RAPGEF3: variants seen among roughly 807,000 people sequenced by gnomAD.
RAPGEF3 encodes 9330170P05Rik.
A neutral mutation model predicts 129.8 loss-of-function variants in RAPGEF3; 103 were observed. The ratio of observed to expected loss-of-function variants is 0.79; its 90% confidence interval spans 0.68 to 0.93. The LOEUF (loss-of-function observed/expected upper bound fraction) is 0.93. Ranked by LOEUF, RAPGEF3 falls within the 40% of genes least tolerant of loss-of-function variation. The probability of loss-of-function intolerance (pLI) is 0.00; values close to 1 mark genes in which losing one functional copy is unlikely to be tolerated. For missense variants in RAPGEF3, 1,117 were observed against 1,207.4 expected (o/e 0.93, Z 1.11); for synonymous variants, 436 against 482.6 (o/e 0.90, Z 1.26).
At position 47,746,853 on chromosome 12, in the gene RAPGEF3, C is replaced by G. The variant is rs758044615; in HGVS notation, c.1596+7G>C. 3 of 1,591,538 alleles carry G rather than the reference C, an allele frequency of 1.9e-6. No homozygotes were observed. The South Asian group carries it at 3.5e-5, about 18-fold the overall frequency. ...GCAGAGGAAAGAAACTGGGGCCAGG[C>G]AGACACCTTCATCTGAGGAGATGCA... On this transcript the variant is annotated splice_region_variant and intron_variant, in intron 16 of 27. Coordinates refer to ENST00000449771, the MANE Select transcript of RAPGEF3 (RefSeq NM_001098531.4).
chr12:47,738,098 G>T lies in RAPGEF3; in HGVS notation c.2582-5C>A, dbSNP rs370596558. On this transcript the variant is annotated splice_polypyrimidine_tract_variant and splice_region_variant and intron_variant, in intron 26 of 27. Coordinates refer to ENST00000449771, the MANE Select transcript of RAPGEF3 (RefSeq NM_001098531.4). ...TTCTGAGTGGTGAGAGAGGCACTGCGGGGGTGGGGAGGGGTCATGGAGTCA... is the reference window on the plus strand; with the variant it reads ...TTCTGAGTGGTGAGAGAGGCACTGCTGGGGTGGGGAGGGGTCATGGAGTCA... The T allele has an allele frequency of 1.2e-3, 1,932 of 1,614,042 alleles. 22 individuals are homozygous for T. The South Asian group carries it at 0.017, about 14-fold the overall frequency.
rs142535251 is a variant in RAPGEF3 at position 47,741,043 on chromosome 12, G to A, written c.1924-3C>T. 6.2e-3 allele frequency: 10,027 copies of A among 1,612,162 alleles called. 59 individuals carry two copies. The highest frequency in any genetic ancestry group is 0.015 in the Middle Eastern group (93 of 6,060). ...CCCAGCTGGTCAGGGTGTGGGATCT[G>A]CGGGTGGGAGAGTGCTCAGGGGGCT... is the stretch of plus-strand genomic sequence containing the variant. On this transcript the variant is annotated splice_polypyrimidine_tract_variant and splice_region_variant and intron_variant, in intron 19 of 27. Transcript: ENST00000449771.
chr12:47,747,740 G>T lies in RAPGEF3; in HGVS notation c.1445C>A (p.Thr482Asn). ...WVALYGSMLH[T>N]DPVATSFLQK... ...GAGGAAGCTGGTGGCCACAGGGTCA[G>T]TGTGGAGCATGGAGCCATACAGGGC... The change falls in exon 14 of 28, where the codon ACT (threonine) becomes AAT (asparagine). Residue 482 changes from threonine (T) to asparagine (N), a missense_variant. Thr to Asn is a moderately conservative substitution (Grantham distance 65). This residue lies in a region of RAPGEF3 where 643 missense variants were observed against 673.4 expected (regional missense o/e 0.95). Transcript: ENST00000449771. 6.2e-7 allele frequency: 1 copy of T among 1,610,302 alleles called. No homozygotes were observed. Among genetic ancestry groups the T allele is most frequent in the East Asian group, 2.2e-5 (1 of 44,890 alleles).
At position 47,741,502 on chromosome 12, in the gene RAPGEF3, T is replaced by A. The variant is rs765890842; in HGVS notation, c.1923+3A>T. ...GGGCCCTGGCACCCTGCCTGGTCCC[T>A]ACCAGCTCATGCACTTCCTGTGGGT... On this transcript the variant is annotated splice_donor_region_variant and intron_variant, in intron 19 of 27. Coordinates refer to ENST00000449771, the MANE Select transcript of RAPGEF3 (RefSeq NM_001098531.4). 2 of 1,613,492 alleles carry A rather than the reference T, an allele frequency of 1.2e-6. No individual in the cohort carries two copies. The highest frequency in any genetic ancestry group is 1.7e-6 in the Non-Finnish European group (2 of 1,179,450).
chr12:47,755,032 C>T (rs1941969827), intron 2 of RAPGEF3, among the ~76,000 whole-genome samples: 1 of 152,220 alleles, frequency 6.6e-6, no homozygotes, highest in Non-Finnish European at 1.5e-5. Context: ...AGGTGTCAAG[C>T]TAGGGCTGCT....
chr12:47,737,493 T>A lies in RAPGEF3; in HGVS notation c.*74A>T, dbSNP rs1940847198. The stretch of plus-strand genomic sequence containing the variant: ...GCCTTGCCCAGCTGTGGCCAGCCTG[T>A]GAGTATCTTGGCCCGGCACACCCTG... On this transcript the variant is annotated 3_prime_UTR_variant, in exon 28 of 28. Coordinates refer to ENST00000449771, the MANE Select transcript of RAPGEF3 (RefSeq NM_001098531.4). 7.4e-7 allele frequency: 1 copy of A among 1,359,536 alleles called. No individual in the cohort carries two copies. The highest frequency in any genetic ancestry group is 1.0e-6 in the Non-Finnish European group (1 of 972,452). The allele number at this position is 1,359,536 out of a possible 1,614,324, so 84.2% of individuals were successfully genotyped here.
At chr12:47,745,177 CCTT>C (rs1941362580) in intron 16 of RAPGEF3, 1 of 152,760 alleles carries the variant, frequency 6.5e-6, no homozygotes, top group Non-Finnish European at 1.5e-5. Flanking sequence ...AGGCCTCACT[CCTT>C]ATCTACTCCA....
chr12:47,750,090 G>A (rs1941657324), intron 7 of RAPGEF3, 100 bp from the exon 8 acceptor site: 3 of 1,406,258 alleles, frequency 2.1e-6, no homozygotes, highest in Admixed American at 3.4e-5. Context: ...ACAAGTGCTG[G>A]GGGACAAAGA....
In RAPGEF3 at chr12:47,739,210, C is replaced by G; in HGVS notation, c.2394G>C (p.Arg798=). The G allele has an allele frequency of 6.2e-7, 1 of 1,612,024 alleles. No individual in the cohort carries two copies. The change falls in exon 24 of 28, where the codon CGG becomes CGC. Residue 798 remains arginine (R), a synonymous_variant. Coordinates refer to ENST00000449771, the MANE Select transcript of RAPGEF3 (RefSeq NM_001098531.4). ...ERLLDPSWNH[R]VYRLALAKLS... ...GCTTGGCGAGGGCCAGTCGGTATAC[C>G]CGGTGGTTCCATGAGGGATCCTAGG... is the stretch of plus-strand genomic sequence containing the variant.
intron 25 of RAPGEF3, 29 bp downstream of exon 25, chr12:47,738,661 T>C: frequency 1.3e-6 from 2 of 1,552,414 alleles, no homozygotes; most frequent in Non-Finnish European, 1.8e-6. Context: ...CCTATGTTAG[T>C]AGTGAATGCC....
At chr12:47,743,187 T>C (rs935817748) in intron 18 of RAPGEF3, among the ~76,000 whole-genome samples, 5 of 152,366 alleles carry the variant, frequency 3.3e-5, no homozygotes, top group Middle Eastern at 6.8e-3. Flanking sequence ...ATGAACTCAA[T>C]TGATCCTCAC....
rs1346665154 is a variant in RAPGEF3, at chr12:47,735,006, T to G, written c.*2561A>C. ...TGGTGTGTACCCCACAGTCAGGGCC[T>G]GAGCCTGGCCACAGCCTGCCTCAGG... On this transcript the variant is annotated 3_prime_UTR_variant, in exon 28 of 28. Transcript: ENST00000449771. The G allele has an allele frequency of 1.3e-5, 2 of 152,298 alleles. No individual in the cohort carries two copies. The highest frequency in any genetic ancestry group is 2.9e-5 in the Non-Finnish European group (2 of 68,108). The allele number at this position is 152,298 out of a possible 1,614,324, so 9.4% of individuals were successfully genotyped here. A position where few individuals can be genotyped will look rare whatever the true frequency, so the allele number is the denominator to read the frequency against.
Position 47,744,020 on chromosome 12 carries a change from C to T in RAPGEF3, c.1645G>A (p.Gly549Ser), listed in dbSNP as rs745569032. 1.2e-6 allele frequency: 2 copies of T among 1,612,524 alleles called. No homozygotes were observed. The highest frequency in any genetic ancestry group is 1.7e-6 in the Non-Finnish European group (2 of 1,178,628). ...WLPNQDEPLP[G>S]SSCAIQVGDK... ...CCAACTTGGATGGCACAGCTGCTGC[C>T]AGGAAGGGGCTCGTCCTGGTTGGGG... is the stretch of plus-strand genomic sequence containing the variant. The change falls in exon 17 of 28, where the codon GGC becomes AGC. Residue 549 changes from glycine to serine, a missense_variant. Transcript: ENST00000449771.
chr12:47,754,777 TTC>T (rs989638467), intron 2 of RAPGEF3, among the ~76,000 whole-genome samples: 2 of 152,170 alleles, frequency 1.3e-5, no homozygotes, highest in African/African-American at 4.8e-5. Context: ...AGTTTCAGGG[TTC>T]TCAGTTGGGA....
rs895131662 is a variant in RAPGEF3 at position 47,740,898 on chromosome 12, A to G, written c.2049+17T>C. On this transcript the variant is annotated intron_variant, in intron 20 of 27. Coordinates refer to ENST00000449771, the MANE Select transcript of RAPGEF3 (RefSeq NM_001098531.4). ...GCCCCGCCGCCTGCTCTCCTCCCCC[A>G]GCTCTGCCTCCCATACCTGGTGGAT... is the stretch of plus-strand genomic sequence containing the variant. 12 of 1,613,934 alleles carry G rather than the reference A, an allele frequency of 7.4e-6. No homozygotes were observed. The highest frequency in any genetic ancestry group is 9.3e-6 in the Non-Finnish European group (11 of 1,179,956).
chr12:47,748,568 A>C, intron 11 of RAPGEF3, 26 bp from the exon 12 acceptor site: 1 of 1,566,162 alleles, frequency 6.4e-7, no homozygotes, highest in Non-Finnish European at 8.8e-7. Context: ...AATCTTTGGC[A>C]CTGGTGCCAC....
intron 25 of RAPGEF3, 46 bp from the exon 26 acceptor site, chr12:47,738,293 C>G (rs773894259): frequency 6.2e-7 from 1 of 1,605,476 alleles, no homozygotes; most frequent in Non-Finnish European, 8.5e-7. Context: ...GGGAGAAACC[C>G]TGTCCTGCCC....
chr12:47,740,880 C>A (rs375621327), intron 20 of RAPGEF3, 35 bp downstream of exon 20: 1 of 1,613,586 alleles, frequency 6.2e-7, no homozygotes, highest in African/African-American at 1.3e-5. Context: ...GGCGCCCCGC[C>A]GCCTGCTCTC....
At position 47,749,446 on chromosome 12, in the gene RAPGEF3, C is replaced by T; in HGVS notation, c.985G>A (p.Glu329Lys). ...ACACGCAGGAAATGACAGTTGTCTT[C>T]TCGCAGGATGATGGTGGCTGCCCGG... ...APRAATIILR[E>K]DNCHFLRVDK... Residue 329 changes from glutamate (E) to lysine (K), a missense_variant, in exon 10 of 28, where the codon GAA (glutamate) becomes AAA (lysine). Around this residue, in one of 3 missense-constraint regions of RAPGEF3, gnomAD observed 107 missense variants for 160.7 expected, o/e 0.67. Transcript: ENST00000449771. This position sits in a 1 kb window ranked among gnomAD's most constrained non-coding sequence, Gnocchi z 4.5. 4 of 1,613,486 alleles carry T rather than the reference C, an allele frequency of 2.5e-6. No individual in the cohort carries two copies. Among genetic ancestry groups the T allele is most frequent in the East Asian group, 4.5e-5 (2 of 44,876 alleles).
Sources: gnomAD v4.1 joint callset for allele counts (sites outside exome capture counted in the v4.1 genomes callset) on GRCh38, gnomAD v4.1.1 for gene constraint, gnomAD v4.1.1 regional missense constraint, Gnocchi (gnomAD v3.1) non-coding constraint, MANE v1.5 for transcripts, NCBI Gene and HGNC (gene_info 2026-07-23, HGNC 2026-07-21) for gene names.